The following PCSK6 variants were observed in gnomAD, a reference collection of about 807,000 sequenced individuals.
PCSK6 encodes proprotein convertase subtilisin/kexin type 6.
In PCSK6, 85 loss-of-function variants were observed where a neutral mutation model predicts 123.3. The ratio of observed to expected loss-of-function variants is 0.69; its 90% confidence interval spans 0.58 to 0.83. The LOEUF (loss-of-function observed/expected upper bound fraction) is 0.83. Ranked by LOEUF, PCSK6 falls within the 40% of genes least tolerant of loss-of-function variation. PCSK6 has a pLI of 0.00. For missense variants in PCSK6, 1,191 were observed against 1,282.3 expected (o/e 0.93, Z 1.09); for synonymous variants, 508 against 516.0 (o/e 0.98, Z 0.21).
In PCSK6 at chr15:101,305,104, A is replaced by G. The variant is rs12101562; in HGVS notation, c.*154T>C. On this transcript the variant is annotated 3_prime_UTR_variant, in exon 22 of 22. Transcript: ENST00000611716. This position sits in a 1 kb window ranked among gnomAD's most constrained non-coding sequence, Gnocchi z 4.8. ...AACACCTCCTTAAGAGCCACCACCC[A>G]CCTGGCTTGGGTGCTCAGAGATGCT... 7.7e-3 allele frequency: 4,828 copies of G among 627,084 alleles called. 134 individuals are homozygous for G. The highest frequency in any genetic ancestry group is 0.066 in the African/African-American group (3,598 of 54,772). The allele number at this position is 627,084 out of a possible 1,614,324, so 38.8% of individuals were successfully genotyped here. A position where few individuals can be genotyped will look rare whatever the true frequency, so the allele number is the denominator to read the frequency against.
intron 6 of PCSK6, among the ~76,000 whole-genome samples, chr15:101,417,979 A>T (rs753489547): frequency 6.6e-6 from 1 of 152,120 alleles, no homozygotes; most frequent in Non-Finnish European, 1.5e-5. Context: ...AAAAATAGAA[A>T]TTTTTCATCA....
intron 1 of PCSK6, among the ~76,000 whole-genome samples, chr15:101,474,848 T>A (rs2057691572): frequency 6.6e-6 from 1 of 152,166 alleles, no homozygotes; most frequent in African/African-American, 2.4e-5. Flanking sequence ...AGTCCCCGGG[T>A]ACCTCAACAC....
intron 6 of PCSK6, among the ~76,000 whole-genome samples, chr15:101,403,747 T>C (rs1489698119): frequency 6.6e-6 from 1 of 151,922 alleles, no homozygotes; most frequent in African/African-American, 2.4e-5. Flanking sequence ...TGAGATGGCG[T>C]CTCGCTCTGT....
chr15:101,442,920 G>A (rs2056793605), intron 2 of PCSK6, among the ~76,000 whole-genome samples: 1 of 152,168 alleles, frequency 6.6e-6, no homozygotes, highest in Admixed American at 6.5e-5. Flanking sequence ...CAGCCACATG[G>A]AAGGTATTCC....
chr15:101,403,863 G>A (rs1054909522), intron 6 of PCSK6, among the ~76,000 whole-genome samples: 3 of 152,188 alleles, frequency 2.0e-5, no homozygotes, highest in East Asian at 1.9e-4. Flanking sequence ...GGGATTACAG[G>A]CGCCCGCCAC....
rs2042475680 is a variant in PCSK6, at chr15:101,398,261, T to C, written c.996+143A>G. ...CTTCTCAGACTCCCCGAGTGACTCC[T>C]CCACACTGGCCCTGGCACCTGTCAC... On this transcript the variant is annotated intron_variant, in intron 7 of 21. Coordinates refer to ENST00000611716, the MANE Select transcript of PCSK6 (RefSeq NM_002570.5). This position sits in a 1 kb window ranked among gnomAD's most constrained non-coding sequence, Gnocchi z 4.6. 9.6e-7 allele frequency: 1 copy of C among 1,041,214 alleles called. No individual in the cohort carries two copies. The highest frequency in any genetic ancestry group is 1.4e-6 in the Non-Finnish European group (1 of 727,292). 64.5% of individuals were successfully genotyped at this position (1,041,214 alleles called of 1,614,324 possible).
At chr15:101,319,416 A>C (rs899888567) in intron 18 of PCSK6, among the ~76,000 whole-genome samples, 4 of 152,052 alleles carry the variant, frequency 2.6e-5, no homozygotes, top group Non-Finnish European at 4.4e-5. Flanking sequence ...AAAAAAAAGG[A>C]AATATATGTT....
chr15:101,487,290 C>A (rs1282632552), intron 1 of PCSK6, among the ~76,000 whole-genome samples: 1 of 152,244 alleles, frequency 6.6e-6, no homozygotes, highest in East Asian at 1.9e-4. Flanking sequence ...CTGCCAGCAC[C>A]ATGCCTGAGT....
chr15:101,314,930 T>G (rs543202578), intron 19 of PCSK6, among the ~76,000 whole-genome samples: 17 of 152,282 alleles, frequency 1.1e-4, no homozygotes, highest in African/African-American at 3.8e-4. Flanking sequence ...CACTGGTCTC[T>G]GGGAGCATCT....
intron 20 of PCSK6, 108 bp from the exon 21 acceptor site, chr15:101,307,433 C>T: frequency 1.3e-6 from 1 of 742,224 alleles, no homozygotes; most frequent in Non-Finnish European, 2.3e-6. Context: ...CCCCCTCAGC[C>T]TCGGTCCTCT....
intron 10 of PCSK6, 117 bp from the exon 11 acceptor site, chr15:101,382,326 C>A (rs1305185389): frequency 1.3e-6 from 1 of 774,896 alleles, no homozygotes; most frequent in Admixed American, 2.6e-5. Context: ...GACTCGAGGT[C>A]TCCTGGGGGC....
intron 13 of PCSK6, among the ~76,000 whole-genome samples, chr15:101,341,916 G>T (rs1786553639): frequency 6.6e-6 from 1 of 152,066 alleles, no homozygotes; most frequent in Non-Finnish European, 1.5e-5. Flanking sequence ...GGTCACTTGA[G>T]GTCAGGAGTT....
intron 13 of PCSK6, among the ~76,000 whole-genome samples, chr15:101,351,158 A>C (rs11633013): frequency 0.5 from 75,816 of 151,632 alleles, 20,648 homozygotes; most frequent in African/African-American, 0.73. Context: ...GTCACGTGAA[A>C]AGCTTGAAAT....
intron 8 of PCSK6, among the ~76,000 whole-genome samples, chr15:101,392,419 A>T (rs2042258568): frequency 2.6e-5 from 4 of 152,198 alleles, no homozygotes; most frequent in Admixed American, 2.6e-4. Context: ...AAATTTGCAA[A>T]TAACTTCGAA....
intron 11 of PCSK6, among the ~76,000 whole-genome samples, chr15:101,376,152 G>C (rs1317064389): frequency 6.6e-6 from 1 of 152,128 alleles, no homozygotes; most frequent in Non-Finnish European, 1.5e-5. Flanking sequence ...GGGTGCAGTG[G>C]TGCAATCCTA....
At position 101,398,356 on chromosome 15, in the gene PCSK6, T is replaced by G. The variant is rs951600782; in HGVS notation, c.996+48A>C. 5 of 1,552,592 alleles carry G rather than the reference T, an allele frequency of 3.2e-6. No homozygotes were observed. The highest frequency in any genetic ancestry group is 4.4e-6 in the Non-Finnish European group (5 of 1,142,718). ...CTCTGATACTTGTTAAAATGTTTAC[T>G]GTCACCCTTGTCCCAGAGCGCTCCC... On this transcript the variant is annotated intron_variant, in intron 7 of 21. Coordinates refer to ENST00000611716, the MANE Select transcript of PCSK6 (RefSeq NM_002570.5). The surrounding 1 kb of genome is among the most constrained non-coding windows in gnomAD (Gnocchi z 4.6).
chr15:101,485,633 A>C (rs1567263163), intron 1 of PCSK6, among the ~76,000 whole-genome samples: 1 of 152,158 alleles, frequency 6.6e-6, no homozygotes, highest in Non-Finnish European at 1.5e-5. Flanking sequence ...ACCATTTAGT[A>C]AATAGCCCAT....
chr15:101,408,363 T>C (rs1327058681), intron 6 of PCSK6, among the ~76,000 whole-genome samples: 1 of 152,178 alleles, frequency 6.6e-6, no homozygotes, highest in Non-Finnish European at 1.5e-5. Context: ...AGAAAGCCCC[T>C]CAGCAGCCCT....
At chr15:101,428,489 C>A (rs1369937741) in intron 5 of PCSK6, among the ~76,000 whole-genome samples, 1 of 152,244 alleles carries the variant, frequency 6.6e-6, no homozygotes, top group African/African-American at 2.4e-5. Context: ...TGAGGCAGCC[C>A]TTCCTGTGCT....
Sources: allele counts gnomAD v4.1 joint callset (sites outside exome capture counted in the v4.1 genomes callset), GRCh38; gene constraint gnomAD v4.1.1; non-coding constraint Gnocchi (gnomAD v3.1); transcripts MANE v1.5; gene names NCBI Gene and HGNC (gene_info 2026-07-23, HGNC 2026-07-21).